NATD1: variants seen among roughly 807,000 people sequenced by gnomAD.
The protein encoded by NATD1 is N-acetyltransferase domain containing 1.
Under a neutral mutation model 12.0 loss-of-function variants are expected in NATD1, and 9 were observed. The observed-to-expected ratio is 0.75, with a 90% CI of 0.45 to 1.30. The LOEUF is 1.30. NATD1 is among the 50% of genes most tolerant of loss of function. The probability of loss-of-function intolerance (pLI) is 0.00; values close to 1 mark genes in which losing one functional copy is unlikely to be tolerated. For synonymous variants in NATD1, 71 were observed against 65.9 expected, an observed-to-expected ratio of 1.08 and a Z score of -0.37; for missense variants, 148 against 148.5, an observed-to-expected ratio of 1.00 and a Z score of 0.02.
chr17:21,250,424 C>CATGAG (rs1975364483), intron 1 of NATD1, among the ~76,000 whole-genome samples: 1 of 152,242 alleles, frequency 6.6e-6, no homozygotes, highest in South Asian at 2.1e-4. Flanking sequence ...CTGCACCTCT[C>CATGAG]ATGAAAGCCC....
intron 1 of NATD1, among the ~76,000 whole-genome samples, chr17:21,246,540 AG>A (rs1311455321): frequency 6.6e-6 from 1 of 150,858 alleles, no homozygotes; most frequent in Non-Finnish European, 1.5e-5. Flanking sequence ...AAAAAAAAAA[AG>A]CTGAGCATGG....
At chr17:21,252,425 C>T (rs1401383873) in intron 1 of NATD1, among the ~76,000 whole-genome samples, 1 of 152,214 alleles carries the variant, frequency 6.6e-6, no homozygotes, top group Non-Finnish European at 1.5e-5. Flanking sequence ...CTGGTCTGAT[C>T]CTTTACATTT....
intron 1 of NATD1, among the ~76,000 whole-genome samples, chr17:21,248,108 G>T (rs1975342580): frequency 6.6e-6 from 1 of 152,152 alleles, no homozygotes; most frequent in Non-Finnish European, 1.5e-5. Flanking sequence ...CCCTACATGG[G>T]CCAGACCACA....
rs551644035 is a variant in NATD1, at chr17:21,239,939, C to T, written c.*3374G>A. The T allele has an allele frequency of 2.1e-4, 32 of 152,402 alleles. No homozygotes were observed. The highest frequency in any genetic ancestry group is 7.5e-4 in the African/African-American group (31 of 41,584). 9.4% of individuals were successfully genotyped at this position (152,402 alleles called of 1,614,324 possible). ...ATGAGATATGGCCCTGGGCCTGGTG[C>T]AAGATTTTCACTTGTTTTGGAAGCA... On this transcript the variant is annotated 3_prime_UTR_variant, in exon 3 of 3. Coordinates refer to ENST00000611551, the MANE Select transcript of NATD1 (RefSeq NM_152914.3).
chr17:21,243,311 G>A lies in NATD1; in HGVS notation c.*2C>T. The A allele has an allele frequency of 6.2e-7, 1 of 1,611,048 alleles. No homozygotes were observed. Among genetic ancestry groups the A allele is most frequent in the East Asian group, 2.2e-5 (1 of 44,876 alleles). ...GGGAGCGCTCCCGCCTGCAGGCCAG[G>A]GTTACGGCTGCAGGCGCTCCAGGTA... On this transcript the variant is annotated 3_prime_UTR_variant, in exon 3 of 3. Transcript: ENST00000611551.
intron 1 of NATD1, among the ~76,000 whole-genome samples, chr17:21,250,944 G>A (rs1353688039): frequency 6.6e-6 from 1 of 152,150 alleles, no homozygotes; most frequent in East Asian, 1.9e-4. Context: ...TACAGGTCGG[G>A]AATGACACCA....
In NATD1 at chr17:21,240,979, C is replaced by T. The variant is rs1975266131; in HGVS notation, c.*2334G>A. The T allele has an allele frequency of 6.5e-6, 1 of 152,746 alleles. No homozygotes were observed. The highest frequency in any genetic ancestry group is 1.5e-5 in the Non-Finnish European group (1 of 68,134). 9.5% of individuals were successfully genotyped at this position (152,746 alleles called of 1,614,324 possible). A position where few individuals can be genotyped will look rare whatever the true frequency, so the allele number is the denominator to read the frequency against. ...GCAGCCCGAGGCGAGGAGGCCAGGT[C>T]ATACCTGCGGGAGCTTGATGAGGCC... On this transcript the variant is annotated 3_prime_UTR_variant, in exon 3 of 3. Coordinates refer to ENST00000611551, the MANE Select transcript of NATD1 (RefSeq NM_152914.3).
At chr17:21,250,325 T>C (rs913010877) in intron 1 of NATD1, among the ~76,000 whole-genome samples, 2 of 152,220 alleles carry the variant, frequency 1.3e-5, no homozygotes, top group Non-Finnish European at 2.9e-5. Flanking sequence ...CTTCAGGTCT[T>C]CACTTAAATG....
chr17:21,253,363 G>T lies in NATD1; in HGVS notation c.-99C>A. 4 of 364,896 alleles carry T rather than the reference G, an allele frequency of 1.1e-5. No individual in the cohort carries two copies. Among genetic ancestry groups the T allele is most frequent in the South Asian group, 1.0e-4 (1 of 9,814 alleles). 22.6% of individuals were successfully genotyped at this position (364,896 alleles called of 1,614,324 possible). On this transcript the variant is annotated 5_prime_UTR_variant, in exon 1 of 3. Transcript: ENST00000611551. ...TGGAGCGCGGGCGCAGGCGGCAGGC[G>T]GTGGGGTAGTTACGGCCTGGGAGAC...
At chr17:21,253,135 C>T in intron 1 of NATD1, 24 bp downstream of exon 1, 4 of 1,005,880 alleles carry the variant, frequency 4.0e-6, no homozygotes, top group Non-Finnish European at 4.7e-6. Context: ...GACAAAAGGT[C>T]GGGGCGGGCC....
intron 1 of NATD1, among the ~76,000 whole-genome samples, chr17:21,248,419 T>C (rs899876252): frequency 2.0e-5 from 3 of 152,150 alleles, no homozygotes; most frequent in Non-Finnish European, 1.5e-5. Flanking sequence ...TTTCTAAACA[T>C]GCCTGGGGTC....
chr17:21,245,624 A>G (rs1270076952), intron 1 of NATD1, among the ~76,000 whole-genome samples: 5 of 152,230 alleles, frequency 3.3e-5, no homozygotes, highest in African/African-American at 1.2e-4. Context: ...CAGGGATCCA[A>G]GTCACACAGC....
rs1330984027 is a variant in NATD1, at chr17:21,244,197, T to C, written c.134A>G (p.Tyr45Cys). Residue 45 changes from tyrosine to cysteine, a missense_variant, in exon 2 of 3, where the codon TAT becomes TGT. Tyr to Cys is a radical substitution (Grantham distance 194). Transcript: ENST00000611551. This position sits in a 1 kb window ranked among gnomAD's most constrained non-coding sequence, Gnocchi z 5.2. Reference protein sequence around the residue: ...NGCHDRAVLLYEYVGKRIVDL... With the variant: ...NGCHDRAVLLCEYVGKRIVDL... Reference sequence around the variant, plus strand: ...CACGATCCGCTTGCCCACGTACTCATAGAGCAGGACGGCCCGGTCATGACA... The same window carrying C: ...CACGATCCGCTTGCCCACGTACTCACAGAGCAGGACGGCCCGGTCATGACA... The C allele has an allele frequency of 5.6e-6, 9 of 1,612,802 alleles. No individual in the cohort carries two copies. The highest frequency in any genetic ancestry group is 1.7e-5 in the Admixed American group (1 of 59,948).
intron 1 of NATD1, among the ~76,000 whole-genome samples, chr17:21,247,227 C>T (rs905778325): frequency 2.0e-5 from 3 of 152,224 alleles, no homozygotes; most frequent in Non-Finnish European, 4.4e-5. Context: ...GCACCCAGCT[C>T]GGCGTAGACA....
At chr17:21,246,134 C>T (rs940159214) in intron 1 of NATD1, among the ~76,000 whole-genome samples, 2 of 152,200 alleles carry the variant, frequency 1.3e-5, no homozygotes, top group Non-Finnish European at 2.9e-5. Flanking sequence ...GGCTGCAGGG[C>T]AGGCAGCAGC....
chr17:21,250,910 C>G (rs1975369024), intron 1 of NATD1, among the ~76,000 whole-genome samples: 1 of 152,208 alleles, frequency 6.6e-6, no homozygotes, highest in South Asian at 2.1e-4. Flanking sequence ...GTGGGCACAA[C>G]AGCACCAGCC....
chr17:21,253,146 G>C lies in NATD1; in HGVS notation c.106+13C>G. ...CGCAGACAAAAGGTCGGGGCGGGCC[G>C]GGGCCGCCTTACCGTTGAGCCGGAC... On this transcript the variant is annotated intron_variant, in intron 1 of 2. Coordinates refer to ENST00000611551, the MANE Select transcript of NATD1 (RefSeq NM_152914.3). 2.0e-6 allele frequency: 2 copies of C among 1,015,964 alleles called. No individual in the cohort carries two copies. The highest frequency in any genetic ancestry group is 2.4e-6 in the Non-Finnish European group (2 of 850,626). The allele number at this position is 1,015,964 out of a possible 1,614,324, so 62.9% of individuals were successfully genotyped here.
At chr17:21,250,917 A>G (rs1975369186) in intron 1 of NATD1, among the ~76,000 whole-genome samples, 1 of 152,206 alleles carries the variant, frequency 6.6e-6, no homozygotes, top group Non-Finnish European at 1.5e-5. Context: ...CAACAGCACC[A>G]GCCTCCAGGC....
Position 21,244,914 on chromosome 17 carries a change from C to CACCTACCCATCCATCA in NATD1, c.107-706_107-691dup. ...TTAGTGTCTCATCTATTTGTCTCTC[C>CACCTACCCATCCATCA]ACCTACCCATCCATCAACCCACCCA... is the stretch of plus-strand genomic sequence containing the variant. On this transcript the variant is annotated intron_variant, in intron 1 of 2. Coordinates refer to ENST00000611551, the MANE Select transcript of NATD1 (RefSeq NM_152914.3). The surrounding 1 kb of genome is among the most constrained non-coding windows in gnomAD (Gnocchi z 5.2). 6.6e-6 allele frequency among the ~76,000 whole-genome samples: 1 copy of CACCTACCCATCCATCA among 152,208 alleles called. No individual in the cohort carries two copies. The highest frequency in any genetic ancestry group is 1.5e-5 in the Non-Finnish European group (1 of 68,036).
Sources: allele counts gnomAD v4.1 joint callset (sites outside exome capture counted in the v4.1 genomes callset), GRCh38; gene constraint gnomAD v4.1.1; non-coding constraint Gnocchi (gnomAD v3.1); transcripts MANE v1.5; gene names NCBI Gene and HGNC (gene_info 2026-07-23, HGNC 2026-07-21).